The following TRPM1 variants were observed in gnomAD, a reference collection of about 807,000 sequenced individuals.
The protein encoded by TRPM1 is TRPM1-203 APA Isoform, Intron 10.
In TRPM1, 113 loss-of-function variants were observed where a neutral mutation model predicts 149.4. That is an observed-to-expected ratio of 0.76 (90% CI 0.65 to 0.88). The LOEUF (loss-of-function observed/expected upper bound fraction) is 0.88, where lower values mean the gene tolerates loss of function less well. Ranked by LOEUF, TRPM1 falls within the 40% of genes least tolerant of loss-of-function variation. The pLI, the probability that TRPM1 is intolerant of heterozygous loss-of-function variation, is 0.00. For synonymous variants in TRPM1, 741 were observed against 759.5 expected, an observed-to-expected ratio of 0.98 and a Z score of 0.40; for missense variants, 1,976 against 2,038.7, an observed-to-expected ratio of 0.97 and a Z score of 0.59.
At chr15:31,141,886 A>G (rs768578825) in intron 1 of TRPM1, among the ~76,000 whole-genome samples, 2 of 152,216 alleles carry the variant, frequency 1.3e-5, no homozygotes, top group Non-Finnish European at 2.9e-5. Context: ...ATTCAAGGCC[A>G]GTGCCCTGAA....
At chr15:31,141,243 T>C (rs1022310507) in intron 1 of TRPM1, among the ~76,000 whole-genome samples, 4 of 152,146 alleles carry the variant, frequency 2.6e-5, no homozygotes, top group African/African-American at 9.7e-5. Context: ...ATAACATGCA[T>C]GTTTATAAAA....
At chr15:31,031,312 G>T in intron 22 of TRPM1, 155 bp from the exon 23 acceptor site, 2 of 770,400 alleles carry the variant, frequency 2.6e-6, no homozygotes, top group Non-Finnish European at 4.4e-6. Flanking sequence ...CCCTGGGAAG[G>T]CTTTTTCCTA....
At chr15:31,146,531 G>A (rs144103144) in intron 1 of TRPM1, among the ~76,000 whole-genome samples, 4 of 152,186 alleles carry the variant, frequency 2.6e-5, no homozygotes, top group Non-Finnish European at 5.9e-5. Flanking sequence ...AGAGATAACA[G>A]CCTAATTTAC....
chr15:31,045,429 A>G (rs1311777489), intron 16 of TRPM1, among the ~76,000 whole-genome samples: 1 of 152,008 alleles, frequency 6.6e-6, no homozygotes, highest in Non-Finnish European at 1.5e-5. Flanking sequence ...ACTCCCCCCA[A>G]ATTTTTTTGC....
At chr15:31,025,633 AC>A (rs534515839) in intron 27 of TRPM1, among the ~76,000 whole-genome samples, 1 of 151,050 alleles carries the variant, frequency 6.6e-6, no homozygotes, top group East Asian at 1.9e-4. Context: ...CAGACACCTC[AC>A]CCCCCACCCT....
chr15:31,092,499 C>T (rs2035267107), intron 1 of TRPM1, among the ~76,000 whole-genome samples: 1 of 152,210 alleles, frequency 6.6e-6, no homozygotes, highest in South Asian at 2.1e-4. Context: ...TCCCTCATTA[C>T]TCAGGGTCTC....
At chr15:31,060,006 A>T (rs1366698243) in intron 11 of TRPM1, among the ~76,000 whole-genome samples, 1 of 151,798 alleles carries the variant, frequency 6.6e-6, no homozygotes, top group Non-Finnish European at 1.5e-5. Context: ...TCCCAATGAC[A>T]CCCACATACA....
chr15:31,002,192 TGA>T lies in TRPM1; in HGVS notation c.4506_4507del (p.His1503Ter), dbSNP rs2141098943. On this transcript the variant is annotated frameshift_variant, in exon 28 of 28. Transcript: ENST00000256552. LOFTEE classifies it low-confidence loss of function (END_TRUNC). ...CACAATGTAAGGAATATCTGTGCTA[TGA>T]GAGCGCGTGATCTTTTGAACTTGGC... The T allele has an allele frequency of 6.2e-7, 1 of 1,614,266 alleles. No homozygotes were observed. The highest frequency in any genetic ancestry group is 2.2e-5 in the East Asian group (1 of 44,892).
At chr15:31,106,845 T>G (rs1303726095) in intron 1 of TRPM1, among the ~76,000 whole-genome samples, 1 of 152,242 alleles carries the variant, frequency 6.6e-6, no homozygotes, top group Non-Finnish European at 1.5e-5. Flanking sequence ...TTGCTTATAT[T>G]GCAAAACTTC....
chr15:31,029,290 G>C, intron 24 of TRPM1, 81 bp downstream of exon 24: 1 of 1,416,756 alleles, frequency 7.1e-7, no homozygotes, highest in Non-Finnish European at 1.0e-6. Context: ...AACAGTTTAA[G>C]ACTACTAGTA....
Position 31,067,910 on chromosome 15 carries a change from C to A in TRPM1, c.462G>T (p.Gly154=). The stretch of plus-strand genomic sequence containing the variant: ...TGACACCCCCGGTGAAGATCCAGGC[C>A]CCGGTGGTCATAGCAGCCTTGATCA... ...KGLIKAAMTT[G]AWIFTGGVST... The change falls in exon 5 of 28, where the codon GGG becomes GGT. Residue 154 remains glycine (G), a synonymous_variant. Coordinates refer to ENST00000256552, the MANE Select transcript of TRPM1 (RefSeq NM_001252024.2). The A allele has an allele frequency of 6.2e-7, 1 of 1,613,520 alleles. No homozygotes were observed. Among genetic ancestry groups the A allele is most frequent in the Non-Finnish European group, 8.5e-7 (1 of 1,179,962 alleles).
intron 1 of TRPM1, among the ~76,000 whole-genome samples, chr15:31,097,484 A>T (rs989394297): frequency 2.6e-5 from 4 of 152,210 alleles, no homozygotes; most frequent in African/African-American, 9.6e-5. Flanking sequence ...TCACCTGGAA[A>T]TACTTTTGCA....
At chr15:31,004,510 T>G (rs1283775191) in intron 27 of TRPM1, among the ~76,000 whole-genome samples, 1 of 152,164 alleles carries the variant, frequency 6.6e-6, no homozygotes, top group Non-Finnish European at 1.5e-5. Flanking sequence ...TGTTTGTATG[T>G]GTGGTTCCTT....
At chr15:31,129,533 A>G (rs1333820949) in intron 1 of TRPM1, among the ~76,000 whole-genome samples, 1 of 152,196 alleles carries the variant, frequency 6.6e-6, no homozygotes, top group Non-Finnish European at 1.5e-5. Flanking sequence ...TGAAAAATAC[A>G]TGAAATTGCT....
chr15:31,050,188 C>G (rs563428157), intron 12 of TRPM1, among the ~76,000 whole-genome samples: 1 of 152,378 alleles, frequency 6.6e-6, no homozygotes, highest in African/African-American at 2.4e-5. Context: ...TGGGTGGCAT[C>G]ATTCCCCCCA....
intron 17 of TRPM1, among the ~76,000 whole-genome samples, chr15:31,041,256 G>A (rs577743420): frequency 1.3e-5 from 2 of 151,722 alleles, no homozygotes; most frequent in African/African-American, 4.8e-5. Flanking sequence ...CTGGGTCCAC[G>A]CCTTTCTCCT....
intron 1 of TRPM1, among the ~76,000 whole-genome samples, chr15:31,133,402 T>C (rs1205775944): frequency 8.2e-6 from 1 of 122,002 alleles, no homozygotes; most frequent in African/African-American, 2.7e-5. Flanking sequence ...ACTCCGTCTC[T>C]ACCAAAAGTA....
intron 1 of TRPM1, among the ~76,000 whole-genome samples, chr15:31,116,255 G>T (rs2035796329): frequency 6.6e-6 from 1 of 152,156 alleles, no homozygotes; most frequent in African/African-American, 2.4e-5. Context: ...TTGGGGAAAA[G>T]CTGCTGAGAA....
At chr15:31,136,233 A>T (rs968916003) in intron 1 of TRPM1, among the ~76,000 whole-genome samples, 1 of 152,098 alleles carries the variant, frequency 6.6e-6, no homozygotes, top group Non-Finnish European at 1.5e-5. Context: ...TCCAGGCTCC[A>T]TGGGGTCACC....
Sources: gnomAD v4.1 joint callset for allele counts (sites outside exome capture counted in the v4.1 genomes callset) on GRCh38, gnomAD v4.1.1 for gene constraint, MANE v1.5 for transcripts, NCBI Gene and HGNC (gene_info 2026-07-23, HGNC 2026-07-21) for gene names.